The following PTPN14 variants were observed in gnomAD, a reference collection of about 807,000 sequenced individuals.
The protein encoded by PTPN14 is tyrosine-protein phosphatase non-receptor type 14.
In PTPN14, 53 loss-of-function variants were observed where a neutral mutation model predicts 126.8. The observed-to-expected ratio is 0.42, with a 90% CI of 0.34 to 0.53. The LOEUF is 0.53. PTPN14 is among the 20% of genes least tolerant of loss of function. The pLI is 0.08. For missense variants in PTPN14, 1,257 were observed against 1,552.9 expected (o/e 0.81, Z 3.20); for synonymous variants, 630 against 599.3 (o/e 1.05, Z -0.75).
At chr1:214,536,539 C>G (rs1044621268) in intron 1 of PTPN14, among the ~76,000 whole-genome samples, 2 of 151,880 alleles carry the variant, frequency 1.3e-5, no homozygotes, top group Admixed American at 1.3e-4. Context: ...AATCCCAGCA[C>G]TTTGGGAAGC....
Position 214,384,929 on chromosome 1 carries a change from A to G in PTPN14, c.1067-141T>C. The G allele has an allele frequency of 1.0e-6, 1 of 963,950 alleles. No homozygotes were observed. Among genetic ancestry groups the G allele is most frequent in the Middle Eastern group, 3.3e-4 (1 of 3,002 alleles). 59.7% of individuals were successfully genotyped at this position (963,950 alleles called of 1,614,324 possible). A position where few individuals can be genotyped will look rare whatever the true frequency, so the allele number is the denominator to read the frequency against. On this transcript the variant is annotated intron_variant, in intron 12 of 18. Transcript: ENST00000366956. This position sits in a 1 kb window ranked among gnomAD's most constrained non-coding sequence, Gnocchi z 5.3. ...CATGGTCTCCACCCACATGTTCTAT[A>G]GAATAACAGATACTATCTTGGATGA...
chr1:214,379,918 G>GT (rs141194839), intron 13 of PTPN14, among the ~76,000 whole-genome samples: 2,037 of 152,344 alleles, frequency 0.013, 51 homozygotes, highest in African/African-American at 0.047. Context: ...TGTGACAGGT[G>GT]TGTACCCTCA....
intron 3 of PTPN14, among the ~76,000 whole-genome samples, chr1:214,448,608 C>A (rs1281144217): frequency 2.6e-5 from 4 of 152,088 alleles, no homozygotes; most frequent in African/African-American, 9.7e-5. Flanking sequence ...GACATTACAA[C>A]CAGACTTCTG....
Position 214,537,226 on chromosome 1 carries a change from T to C in PTPN14, c.-155+13957A>G, listed in dbSNP as rs146514970. Among the ~76,000 whole-genome samples, 740 of 152,334 alleles carry C rather than the reference T, an allele frequency of 4.9e-3. 3 individuals carry two copies. The highest frequency in any genetic ancestry group is 0.017 in the African/African-American group (699 of 41,584). Reference sequence around the variant, plus strand: ...ACTATATTCCCTAGTTTAAAGATGATACCTTTCACTGCTAGGGAAAATAAT... The same window carrying C: ...ACTATATTCCCTAGTTTAAAGATGACACCTTTCACTGCTAGGGAAAATAAT... On this transcript the variant is annotated intron_variant, in intron 1 of 18. Transcript: ENST00000366956.
At position 214,514,984 on chromosome 1, in the gene PTPN14, A is replaced by C. The variant is rs150588694; in HGVS notation, c.-155+36199T>G. On this transcript the variant is annotated intron_variant, in intron 1 of 18. Transcript: ENST00000366956. Reference sequence around the variant, plus strand: ...CCCCTCCTGTAGCCGACAATAAACAAGCATCCATCTCTCTCCATCATCCAC... The same window carrying C: ...CCCCTCCTGTAGCCGACAATAAACACGCATCCATCTCTCTCCATCATCCAC... Among the ~76,000 whole-genome samples the C allele has an allele frequency of 4.7e-3, 720 of 152,256 alleles. 3 individuals carry two copies. The highest frequency in any genetic ancestry group is 0.016 in the African/African-American group (681 of 41,542).
chr1:214,487,380 T>C (rs4655355), intron 1 of PTPN14, among the ~76,000 whole-genome samples: 127,992 of 152,128 alleles, frequency 0.84, 54,132 homozygotes, highest in African/African-American at 0.95. Context: ...AATCCCAGCA[T>C]GTTGGGAGGC....
chr1:214,411,753 T>C lies in PTPN14; in HGVS notation c.443-2A>G. 1 of 1,502,650 alleles carries C rather than the reference T, an allele frequency of 6.7e-7. No homozygotes were observed. The allele number at this position is 1,502,650 out of a possible 1,614,324, so 93.1% of individuals were successfully genotyped here. On this transcript the variant is annotated splice_acceptor_variant, in intron 4 of 18. Transcript: ENST00000366956. LOFTEE classifies it high-confidence loss of function. ...ACTGATTATAGTCTCCAAAATCAGCTGAGAAGAAAAGAAGATGGAAGGGCA... is the reference window on the plus strand; with the variant it reads ...ACTGATTATAGTCTCCAAAATCAGCCGAGAAGAAAAGAAGATGGAAGGGCA...
chr1:214,408,905 T>C (rs1023178047), intron 5 of PTPN14, among the ~76,000 whole-genome samples: 2 of 151,778 alleles, frequency 1.3e-5, no homozygotes, highest in African/African-American at 4.8e-5. Flanking sequence ...GGGTAGAGAG[T>C]AAATGAGAGA....
chr1:214,507,877 A>ATAGTG (rs1312492069), intron 1 of PTPN14, among the ~76,000 whole-genome samples: 1 of 152,188 alleles, frequency 6.6e-6, no homozygotes, highest in African/African-American at 2.4e-5. Context: ...ACTACTCAGG[A>ATAGTG]GGCTGAGGCG....
chr1:214,521,494 C>T (rs1240770119), intron 1 of PTPN14, among the ~76,000 whole-genome samples: 1 of 152,222 alleles, frequency 6.6e-6, no homozygotes. Context: ...GGGTGGATCA[C>T]CTGAGGTCAG....
rs745738475 is a variant in PTPN14 at position 214,464,776 on chromosome 1, T to C, written c.28A>G (p.Thr10Ala). The change falls in exon 2 of 19, where the codon ACA becomes GCA. Residue 10 changes from threonine to alanine, a missense_variant. By Grantham distance (58) the Thr-to-Ala change is moderately conservative. This residue lies in a region of PTPN14 where 1,021 missense variants were observed against 1,183.3 expected (regional missense o/e 0.86). Transcript: ENST00000366956. ...TTGCTCAGGACGTTGTAGCGCCGTG[T>C]CCGGCGGAGCTTCAGACCAAAAGGC... MPFGLKLRRTRRYNVLSKNC... is the reference protein window; with the variant it reads MPFGLKLRRARRYNVLSKNC... The C allele has an allele frequency of 4.3e-6, 7 of 1,614,272 alleles. No homozygotes were observed. Among genetic ancestry groups the C allele is most frequent in the Non-Finnish European group, 5.9e-6 (7 of 1,180,044 alleles).
intron 1 of PTPN14, among the ~76,000 whole-genome samples, chr1:214,496,190 T>C (rs1487112043): frequency 1.3e-5 from 2 of 152,186 alleles, no homozygotes; most frequent in African/African-American, 4.8e-5. Flanking sequence ...TGCTCTGCAG[T>C]ATTTATTGCT....
intron 1 of PTPN14, among the ~76,000 whole-genome samples, chr1:214,546,225 G>T (rs758958976): frequency 4.6e-5 from 7 of 152,124 alleles, no homozygotes; most frequent in Non-Finnish European, 1.0e-4. Context: ...TACCTTAAAC[G>T]TGCTGAATCC....
intron 10 of PTPN14, among the ~76,000 whole-genome samples, chr1:214,392,489 T>C (rs569919017): frequency 5.3e-5 from 8 of 152,308 alleles, no homozygotes; most frequent in Non-Finnish European, 1.0e-4. Flanking sequence ...TCTCAGTTTT[T>C]AAATTCATCC....
intron 2 of PTPN14, among the ~76,000 whole-genome samples, chr1:214,455,345 C>T (rs926122620): frequency 1.3e-5 from 2 of 152,164 alleles, no homozygotes; most frequent in African/African-American, 4.8e-5. Flanking sequence ...TGGATGATTG[C>T]AAATAGAAAC....
intron 8 of PTPN14, among the ~76,000 whole-genome samples, chr1:214,395,350 T>TA (rs1313265364): frequency 6.6e-6 from 1 of 152,070 alleles, no homozygotes; most frequent in Admixed American, 6.6e-5. Flanking sequence ...CACATATTAT[T>TA]AAAAATCATG....
Position 214,442,684 on chromosome 1 carries a change from A to G in PTPN14, c.344+9121T>C, listed in dbSNP as rs1660059768. On this transcript the variant is annotated intron_variant, in intron 3 of 18. Transcript: ENST00000366956. ...TATTTGTTTTCCCTAAAGGGAAAGA[A>G]TATCAGAGAAACAGCTAGATTATGT... is the stretch of plus-strand genomic sequence containing the variant. 2.6e-5 allele frequency among the ~76,000 whole-genome samples: 4 copies of G among 152,238 alleles called. No individual in the cohort carries two copies. In the South Asian group the frequency reaches 8.3e-4, roughly 32 times the overall value.
intron 3 of PTPN14, among the ~76,000 whole-genome samples, chr1:214,415,749 C>T (rs1373005780): frequency 1.3e-5 from 2 of 152,138 alleles, no homozygotes; most frequent in Admixed American, 6.5e-5. Context: ...AACTGGGCTC[C>T]GTGCATGCTC....
At chr1:214,523,953 G>C (rs1655325648) in intron 1 of PTPN14, among the ~76,000 whole-genome samples, 1 of 150,164 alleles carries the variant, frequency 6.7e-6, no homozygotes, top group Non-Finnish European at 1.5e-5. Context: ...GGGTTCAAGT[G>C]ATTCTCCTGC....
Sources: gnomAD v4.1 joint callset for allele counts (sites outside exome capture counted in the v4.1 genomes callset) on GRCh38, gnomAD v4.1.1 for gene constraint, gnomAD v4.1.1 regional missense constraint, Gnocchi (gnomAD v3.1) non-coding constraint, MANE v1.5 for transcripts, NCBI Gene and HGNC (gene_info 2026-07-23, HGNC 2026-07-21) for gene names.